The following FARP2 variants were observed in gnomAD, a reference collection of about 807,000 sequenced individuals.
FARP2 encodes the protein FERM, ARHGEF and pleckstrin domain-containing protein 2.
A neutral mutation model predicts 130.5 loss-of-function variants in FARP2; 111 were observed. The ratio of observed to expected loss-of-function variants is 0.85; its 90% CI spans 0.73 to 1.00. The LOEUF is 1.00. FARP2 is among the 50% of genes least tolerant of loss of function. The pLI is 0.00. For missense variants in FARP2, 1,385 were observed against 1,346.3 expected (o/e 1.03, Z -0.45); for synonymous variants, 504 against 516.9 (o/e 0.98, Z 0.34).
At chr2:241,486,798 T>A (rs1170760547) in intron 21 of FARP2, among the ~76,000 whole-genome samples, 1 of 152,268 alleles carries the variant, frequency 6.6e-6, no homozygotes, top group Non-Finnish European at 1.5e-5. Context: ...TGGGCACTCC[T>A]GCTAAATTGC....
rs760903752 is a variant in FARP2 at position 241,483,448 on chromosome 2, CTG to C, written c.2263-15_2263-14del. 6.2e-7 allele frequency: 1 copy of C among 1,612,294 alleles called. No individual in the cohort carries two copies. Among genetic ancestry groups the C allele is most frequent in the East Asian group, 2.2e-5 (1 of 44,882 alleles). ...GCCCTCAGCCCGCTGAAAGGGGACTCTGTCTCTGTCTTTCAGGAGTTCATCCG... is the reference window on the plus strand; with the variant it reads ...GCCCTCAGCCCGCTGAAAGGGGACTCTCTCTGTCTTTCAGGAGTTCATCCG... On this transcript the variant is annotated splice_polypyrimidine_tract_variant and intron_variant, in intron 19 of 26. Transcript: ENST00000264042.
chr2:241,465,618 G>C, intron 17 of FARP2: 1 of 1,550,766 alleles, frequency 6.4e-7, no homozygotes, highest in Non-Finnish European at 8.7e-7. Context: ...TGCATTGACT[G>C]TTCAGGGGTC....
intron 17 of FARP2, chr2:241,466,332 A>G: frequency 2.0e-6 from 2 of 985,384 alleles, no homozygotes; most frequent in Non-Finnish European, 2.4e-6. Flanking sequence ...GCCACCCCTC[A>G]GCGACACTAT....
At chr2:241,439,023 G>T (rs1237161328) in intron 12 of FARP2, among the ~76,000 whole-genome samples, 1 of 151,936 alleles carries the variant, frequency 6.6e-6, no homozygotes, top group African/African-American at 2.4e-5. Context: ...TACACAGTTT[G>T]ATTTTTTTTT....
At chr2:241,393,221 T>C (rs1216834358) in intron 2 of FARP2, among the ~76,000 whole-genome samples, 1 of 151,968 alleles carries the variant, frequency 6.6e-6, no homozygotes, top group Non-Finnish European at 1.5e-5. Flanking sequence ...GGTTTCACCT[T>C]GTTGGTAAGG....
Position 241,459,426 on chromosome 2 carries a change from C to CGGGGA in FARP2, c.1587+2509_1587+2513dup, listed in dbSNP as rs1216123160. 6.6e-6 allele frequency among the ~76,000 whole-genome samples: 1 copy of CGGGGA among 152,204 alleles called. No individual in the cohort carries two copies. The highest frequency in any genetic ancestry group is 1.5e-5 in the Non-Finnish European group (1 of 68,016). On this transcript the variant is annotated intron_variant, in intron 14 of 26. Coordinates refer to ENST00000264042, the MANE Select transcript of FARP2 (RefSeq NM_014808.4). This position sits in a 1 kb window ranked among gnomAD's most constrained non-coding sequence, Gnocchi z 5.3. ...ACTTGCACCCAGTTGCTGGGCTGTG[C>CGGGGA]GGGGAGGGGCAAAGAGCTGCCCACC...
intron 16 of FARP2, 96 bp downstream of exon 16, chr2:241,463,564 G>A: frequency 6.9e-7 from 1 of 1,438,870 alleles, no homozygotes; most frequent in Non-Finnish European, 9.4e-7. Context: ...ATTCAGAAGA[G>A]CCATTTTTTC....
intron 1 of FARP2, among the ~76,000 whole-genome samples, chr2:241,363,132 C>T (rs1031482118): frequency 1.3e-5 from 2 of 152,226 alleles, no homozygotes; most frequent in Non-Finnish European, 2.9e-5. Flanking sequence ...TCAGCATCCC[C>T]TGCCCTGGAC....
intron 24 of FARP2, among the ~76,000 whole-genome samples, chr2:241,492,111 CCAGGTTCCT>C (rs1255955935): frequency 6.6e-6 from 1 of 152,212 alleles, no homozygotes; most frequent in Non-Finnish European, 1.5e-5. Flanking sequence ...TTGTGGGTCA[CCAGGTTCCT>C]CAGCCTGGTG....
intron 6 of FARP2, among the ~76,000 whole-genome samples, chr2:241,411,809 T>C (rs2062525700): frequency 6.6e-6 from 1 of 152,142 alleles, no homozygotes; most frequent in East Asian, 1.9e-4. Flanking sequence ...AATTAATAAG[T>C]ATATAGGTTA....
In FARP2 at chr2:241,493,350, G is replaced by A. The variant is rs1349416308; in HGVS notation, c.2953G>A (p.Glu985Lys). 2.5e-6 allele frequency: 4 copies of A among 1,613,914 alleles called. No individual in the cohort carries two copies. The highest frequency in any genetic ancestry group is 1.7e-5 in the Admixed American group (1 of 60,006). The change falls in exon 26 of 27, where the codon GAG becomes AAG. Residue 985 changes from glutamate to lysine, a missense_variant. Transcript: ENST00000264042. ...GGGCTACAGCGTGAGCATCCCCAGG[G>A]AGGCCGATGGCATACACAAAGACTA... ...LLGYSVSIPR[E>K]ADGIHKDYVF...
chr2:241,468,051 C>A (rs2150486219), intron 17 of FARP2, 89 bp from the exon 18 acceptor site: 1 of 909,816 alleles, frequency 1.1e-6, no homozygotes, highest in Non-Finnish European at 1.8e-6. Flanking sequence ...GGATTTCCAG[C>A]CGGCACCTGC....
In FARP2 at chr2:241,356,333, A is replaced by C. The variant is rs578115837; in HGVS notation, c.-80A>C. 1 of 152,340 alleles carries C rather than the reference A, an allele frequency of 6.6e-6. No homozygotes were observed. The highest frequency in any genetic ancestry group is 2.4e-5 in the African/African-American group (1 of 41,404). The allele number at this position is 152,340 out of a possible 1,614,324, so 9.4% of individuals were successfully genotyped here. ...GCGAGTCTGGCGGCTGCTGCTTGCG[A>C]CTGCGGAGGCCGGGCGAGGCCGGTG... is the stretch of plus-strand genomic sequence containing the variant. On this transcript the variant is annotated 5_prime_UTR_variant, in exon 1 of 27. Transcript: ENST00000264042.
chr2:241,484,165 A>T (rs2064695695), intron 20 of FARP2, 77 bp from the exon 21 acceptor site: 1 of 1,594,902 alleles, frequency 6.3e-7, no homozygotes, highest in Admixed American at 1.7e-5. Context: ...CATGATGAGC[A>T]GCCAGAGTCC....
chr2:241,493,068 TG>T, intron 25 of FARP2, 32 bp downstream of exon 25: 1 of 1,295,878 alleles, frequency 7.7e-7, no homozygotes, highest in Non-Finnish European at 1.1e-6. Context: ...CCAATGCAGG[TG>T]ATGCTAGCAG....
At position 241,441,534 on chromosome 2, in the gene FARP2, C is replaced by T. The variant is rs1254322758; in HGVS notation, c.1389C>T (p.Pro463=). The change falls in exon 13 of 27, where the codon CCC becomes CCT. Residue 463 remains proline (P), a synonymous_variant. Coordinates refer to ENST00000264042, the MANE Select transcript of FARP2 (RefSeq NM_014808.4). ...CACCATCGGCCCAGCCCCTCGGGCC[C>T]CCCGCACTCCAGCCTGGTCCAGGTG... is the stretch of plus-strand genomic sequence containing the variant. The part of the protein sequence containing the change: ...PDTPSAQPLG[P]PALQPGPGLS... 6.2e-7 allele frequency: 1 copy of T among 1,614,092 alleles called. No homozygotes were observed. Among genetic ancestry groups the T allele is most frequent in the Non-Finnish European group, 8.5e-7 (1 of 1,180,046 alleles).
At chr2:241,402,858 A>G (rs1299138805) in intron 2 of FARP2, among the ~76,000 whole-genome samples, 23 of 7,922 alleles carry the variant, frequency 2.9e-3, no homozygotes, top group African/African-American at 9.7e-3. Context: ...ATATATATAT[A>G]TATATATATA....
intron 2 of FARP2, among the ~76,000 whole-genome samples, chr2:241,401,059 G>A (rs2062154017): frequency 6.6e-6 from 1 of 152,164 alleles, no homozygotes; most frequent in Non-Finnish European, 1.5e-5. Flanking sequence ...TTGCCCTTTT[G>A]TTCTTTAGAA....
intron 18 of FARP2, among the ~76,000 whole-genome samples, chr2:241,470,214 A>G (rs1487953383): frequency 6.6e-6 from 1 of 152,274 alleles, no homozygotes; most frequent in Non-Finnish European, 1.5e-5. Flanking sequence ...TGGGGCTGGC[A>G]GAAGCCAGCC....
Sources: gnomAD v4.1 joint callset for allele counts (sites outside exome capture counted in the v4.1 genomes callset) on GRCh38, gnomAD v4.1.1 for gene constraint, Gnocchi (gnomAD v3.1) non-coding constraint, MANE v1.5 for transcripts, NCBI Gene and HGNC (gene_info 2026-07-23, HGNC 2026-07-21) for gene names.